The following TAB2 variants were observed in gnomAD, a reference collection of about 807,000 sequenced individuals.
The protein encoded by TAB2 is TGF-beta activated kinase 1 (MAP3K7) binding protein 2.
In TAB2, 3 loss-of-function variants were observed where a neutral mutation model predicts 65.0. That is an observed-to-expected ratio of 0.05 (90% CI 0.02 to 0.12). TAB2 has a LOEUF of 0.12. TAB2 is among the 10% of genes least tolerant of loss of function. TAB2 has a pLI of 1.00. For synonymous variants in TAB2, 298 were observed against 285.1 expected (o/e 1.05, Z -0.46); for missense variants, 623 against 840.3 (o/e 0.74, Z 3.20).
rs1442583720 is a variant in TAB2, at chr6:149,409,787, A to G, written c.*68A>G. On this transcript the variant is annotated 3_prime_UTR_variant, in exon 7 of 7. Coordinates refer to ENST00000637181, the MANE Select transcript of TAB2 (RefSeq NM_001292034.3). Reference sequence around the variant, plus strand: ...CAAGAAACTAGTCTGTCATCGGGAAAAAGTTTCACTGCTACATAGGATTTT... The same window carrying G: ...CAAGAAACTAGTCTGTCATCGGGAAGAAGTTTCACTGCTACATAGGATTTT... 5 of 1,570,218 alleles carry G rather than the reference A, an allele frequency of 3.2e-6. No individual in the cohort carries two copies. Among genetic ancestry groups the G allele is most frequent in the African/African-American group, 1.3e-5 (1 of 74,176 alleles).
intron 1 of TAB2, among the ~76,000 whole-genome samples, chr6:149,305,404 A>C (rs1035386151): frequency 7.2e-5 from 11 of 152,170 alleles, no homozygotes; most frequent in Non-Finnish European, 1.3e-4. Flanking sequence ...TGTCACTTTG[A>C]ATACGTTTCC....
chr6:149,308,038 T>A (rs1270647316), intron 1 of TAB2, among the ~76,000 whole-genome samples: 1 of 152,236 alleles, frequency 6.6e-6, no homozygotes, highest in Non-Finnish European at 1.5e-5. Flanking sequence ...TTCATGTCAA[T>A]GTATATAGAT....
At chr6:149,309,902 G>T (rs553819837) in intron 1 of TAB2, among the ~76,000 whole-genome samples, 9 of 151,660 alleles carry the variant, frequency 5.9e-5, no homozygotes, top group South Asian at 2.1e-4. Flanking sequence ...GTGTGTGTGT[G>T]ATTTTTCCTT....
chr6:149,403,637 C>A (rs1782561750), intron 6 of TAB2, among the ~76,000 whole-genome samples: 1 of 151,868 alleles, frequency 6.6e-6, no homozygotes, highest in Non-Finnish European at 1.5e-5. Flanking sequence ...AAGCATGTCA[C>A]CGATACCCAC....
chr6:149,360,586 A>G (rs1780811799), intron 1 of TAB2, among the ~76,000 whole-genome samples: 1 of 152,178 alleles, frequency 6.6e-6, no homozygotes, highest in African/African-American at 2.4e-5. Flanking sequence ...ATAATTCAAC[A>G]TGAGATTTAG....
At chr6:149,334,781 G>A (rs1779885859) in intron 1 of TAB2, among the ~76,000 whole-genome samples, 1 of 152,120 alleles carries the variant, frequency 6.6e-6, no homozygotes, top group African/African-American at 2.4e-5. Flanking sequence ...AGGACATTGT[G>A]GTGGAAAAGA....
chr6:149,249,333 G>A (rs1472249729), intron 1 of TAB2, among the ~76,000 whole-genome samples: 1 of 152,024 alleles, frequency 6.6e-6, no homozygotes, highest in Non-Finnish European at 1.5e-5. Flanking sequence ...CTTCAGCATT[G>A]GACCCTCAAA....
At chr6:149,401,368 G>A (rs1184162177) in intron 6 of TAB2, 1 of 161,480 alleles carries the variant, frequency 6.2e-6, no homozygotes, top group African/African-American at 2.4e-5. Flanking sequence ...TGAAGGGATG[G>A]AAAAAGATTT....
chr6:149,324,079 C>T (rs1583088762), intron 1 of TAB2, among the ~76,000 whole-genome samples: 1 of 152,066 alleles, frequency 6.6e-6, no homozygotes, highest in East Asian at 1.9e-4. Context: ...TTTTAATTGC[C>T]TTGTTAAAAG....
intron 3 of TAB2, among the ~76,000 whole-genome samples, chr6:149,391,574 C>T (rs991688217): frequency 4.6e-5 from 7 of 152,066 alleles, no homozygotes; most frequent in East Asian, 3.8e-4. Flanking sequence ...CAGGGTGTCA[C>T]GGTTGCCCAG....
At chr6:149,304,335 C>G (rs1314702692) in intron 1 of TAB2, 2 of 153,166 alleles carry the variant, frequency 1.3e-5, no homozygotes, top group Non-Finnish European at 2.9e-5. Flanking sequence ...TTTAAAGATG[C>G]TTTTCATTTT....
chr6:149,218,292 A>C (rs1777064389), upstream of TAB2, among the ~76,000 whole-genome samples: 2 of 152,188 alleles, frequency 1.3e-5, no homozygotes, highest in African/African-American at 4.8e-5. Flanking sequence ...AGAACAATGT[A>C]TTCTTGCAGA....
At chr6:149,336,731 A>T (rs534542498) in intron 1 of TAB2, among the ~76,000 whole-genome samples, 1 of 152,288 alleles carries the variant, frequency 6.6e-6, no homozygotes, top group Non-Finnish European at 1.5e-5. Flanking sequence ...TAACATTCTA[A>T]GCAAGGGCAG....
At chr6:149,372,900 G>T (rs1781278219) in intron 2 of TAB2, among the ~76,000 whole-genome samples, 1 of 152,102 alleles carries the variant, frequency 6.6e-6, no homozygotes, top group East Asian at 1.9e-4. Context: ...TCAGTTGGGT[G>T]GGTTTCTGTT....
chr6:149,308,790 T>C (rs1420951571), intron 1 of TAB2, among the ~76,000 whole-genome samples: 1 of 152,154 alleles, frequency 6.6e-6, no homozygotes, highest in East Asian at 1.9e-4. Flanking sequence ...CCTCCCAAAG[T>C]GCTAGGATTA....
chr6:149,340,780 A>G (rs566631571), intron 1 of TAB2, among the ~76,000 whole-genome samples: 15 of 152,286 alleles, frequency 9.8e-5, no homozygotes, highest in African/African-American at 3.6e-4. Flanking sequence ...ATTTTGAATA[A>G]GACACTTCCA....
chr6:149,288,068 A>T (rs1431499723), intron 1 of TAB2, among the ~76,000 whole-genome samples: 2 of 152,228 alleles, frequency 1.3e-5, no homozygotes. Context: ...ATAACAGTAA[A>T]TATTGTTAAA....
intron 2 of TAB2, among the ~76,000 whole-genome samples, 167 bp from the exon 3 acceptor site, chr6:149,377,851 G>A (rs1303050923): frequency 6.6e-6 from 1 of 152,082 alleles, no homozygotes; most frequent in African/African-American, 2.4e-5. Context: ...TAGTAGTGAG[G>A]ATTTTTAATT....
intron 2 of TAB2, among the ~76,000 whole-genome samples, chr6:149,374,750 T>C (rs1229180937): frequency 6.6e-6 from 1 of 152,206 alleles, no homozygotes; most frequent in African/African-American, 2.4e-5. Flanking sequence ...AATTCAAACA[T>C]GGACTTCATC....
Sources: gnomAD v4.1 joint callset for allele counts (sites outside exome capture counted in the v4.1 genomes callset) on GRCh38, gnomAD v4.1.1 for gene constraint, MANE v1.5 for transcripts, NCBI Gene and HGNC (gene_info 2026-07-23, HGNC 2026-07-21) for gene names.